BICD1: variants seen among roughly 807,000 people sequenced by gnomAD.
The protein encoded by BICD1 is BICD cargo adaptor 1, also known as protein bicaudal D homolog 1.
BICD1 carries 35 observed loss-of-function variants against 92.5 expected under a neutral mutation model. The observed-to-expected ratio is 0.38, with a 90% CI of 0.29 to 0.50. BICD1 has a LOEUF of 0.50. Ranked by LOEUF, BICD1 falls within the 20% of genes least tolerant of loss-of-function variation. The pLI is 0.93. For missense variants in BICD1, 950 were observed against 1,189.8 expected, an observed-to-expected ratio of 0.80 and a Z score of 2.97; for synonymous variants, 429 against 465.1, an observed-to-expected ratio of 0.92 and a Z score of 1.00.
At chr12:32,239,520 C>T (rs1301604083) in intron 2 of BICD1, among the ~76,000 whole-genome samples, 4 of 148,378 alleles carry the variant, frequency 2.7e-5, no homozygotes, top group Admixed American at 6.7e-5. Context: ...GAGCCGAGAG[C>T]GCACCATTGC....
At chr12:32,332,684 G>A (rs944755969) in intron 5 of BICD1, 4 of 319,564 alleles carry the variant, frequency 1.3e-5, no homozygotes, top group Non-Finnish European at 1.8e-5. Context: ...CTAGAGGAGC[G>A]GAAAAGACTT....
intron 8 of BICD1, among the ~76,000 whole-genome samples, chr12:32,344,461 A>C (rs907010935): frequency 2.0e-5 from 3 of 152,220 alleles, no homozygotes; most frequent in Non-Finnish European, 4.4e-5. Context: ...TCATTTGATA[A>C]AATCACCCTG....
chr12:32,158,466 A>G (rs1943509037), intron 1 of BICD1, among the ~76,000 whole-genome samples: 1 of 152,192 alleles, frequency 6.6e-6, no homozygotes, highest in Admixed American at 6.5e-5. Context: ...TGTATAAAAA[A>G]GAAAAATTTA....
intron 8 of BICD1, among the ~76,000 whole-genome samples, chr12:32,349,942 T>C (rs1009468010): frequency 2.0e-5 from 3 of 152,206 alleles, no homozygotes; most frequent in African/African-American, 7.2e-5. Context: ...ACATGGAATA[T>C]GGAAGCCACT....
chr12:32,350,712 T>A (rs1938829830), intron 8 of BICD1, among the ~76,000 whole-genome samples: 1 of 152,208 alleles, frequency 6.6e-6, no homozygotes, highest in Non-Finnish European at 1.5e-5. Flanking sequence ...ATTGATTTTA[T>A]TCAATTTTCC....
At chr12:32,208,335 C>A (rs1001918807) in intron 1 of BICD1, among the ~76,000 whole-genome samples, 2 of 152,178 alleles carry the variant, frequency 1.3e-5, no homozygotes, top group Non-Finnish European at 2.9e-5. Context: ...AAGGTCTGTT[C>A]CAAGTGATAC....
chr12:32,376,116 G>T (rs577205430), intron 9 of BICD1, among the ~76,000 whole-genome samples: 191 of 137,388 alleles, frequency 1.4e-3, no homozygotes, highest in Non-Finnish European at 2.4e-3. Flanking sequence ...ACGGAGTCTC[G>T]CCCTGTTGCC....
At chr12:32,140,990 T>C (rs924191151) in intron 1 of BICD1, among the ~76,000 whole-genome samples, 1 of 152,198 alleles carries the variant, frequency 6.6e-6, no homozygotes, top group African/African-American at 2.4e-5. Context: ...GGAAAACACA[T>C]TGGAGGACTT....
chr12:32,330,686 G>A (rs7974226), intron 5 of BICD1, among the ~76,000 whole-genome samples: 87,724 of 151,754 alleles, frequency 0.58, 26,634 homozygotes, highest in East Asian at 0.79. Flanking sequence ...ATTTATTATT[G>A]TAACTCTGCT....
intron 1 of BICD1, among the ~76,000 whole-genome samples, chr12:32,207,327 G>A (rs1945088883): frequency 6.6e-6 from 1 of 152,010 alleles, no homozygotes; most frequent in Admixed American, 6.6e-5. Context: ...AAAAATCCAG[G>A]CTTTAAGTAA....
intron 1 of BICD1, among the ~76,000 whole-genome samples, chr12:32,207,215 T>C (rs1437781098): frequency 7.5e-6 from 1 of 132,932 alleles, no homozygotes; most frequent in Non-Finnish European, 1.6e-5. Flanking sequence ...TTTTTGTGCA[T>C]ATTCAATATG....
At position 32,335,154 on chromosome 12, in the gene BICD1, A is replaced by ATT. The variant is rs11326277; in HGVS notation, c.2252+500_2252+501dup. On this transcript the variant is annotated intron_variant, in intron 6 of 9. Transcript: ENST00000652176. ...TCATCACATCAGCTAATTACTTATA[A>ATT]TTTTTTTTTTTTTTGAGACGGAGTC... Among the ~76,000 whole-genome samples the ATT allele has an allele frequency of 5.4e-3, 792 of 147,566 alleles. 6 individuals are homozygous for ATT. Among genetic ancestry groups the ATT allele is most frequent in the African/African-American group, 0.018 (735 of 40,340 alleles).
intron 1 of BICD1, among the ~76,000 whole-genome samples, chr12:32,145,045 G>T (rs1006421087): frequency 1.3e-5 from 2 of 152,188 alleles, no homozygotes; most frequent in Non-Finnish European, 2.9e-5. Context: ...TGAGTGTCTT[G>T]AAAGCAACAT....
intron 2 of BICD1, among the ~76,000 whole-genome samples, chr12:32,274,994 T>C (rs1311532788): frequency 7.6e-6 from 1 of 131,840 alleles, no homozygotes; most frequent in Non-Finnish European, 1.6e-5. Flanking sequence ...TGGCACATTG[T>C]AAACATTGTG....
At chr12:32,147,398 G>A (rs1234904296) in intron 1 of BICD1, among the ~76,000 whole-genome samples, 1 of 152,042 alleles carries the variant, frequency 6.6e-6, no homozygotes, top group Non-Finnish European at 1.5e-5. Context: ...GGTGGCGGTG[G>A]TGGATTTTTT....
chr12:32,363,644 A>G (rs920638020), intron 8 of BICD1, among the ~76,000 whole-genome samples: 1 of 152,144 alleles, frequency 6.6e-6, no homozygotes, highest in African/African-American at 2.4e-5. Flanking sequence ...AACCACTTAG[A>G]TTTAGTTGTG....
At chr12:32,280,243 T>C (rs530498879) in intron 2 of BICD1, among the ~76,000 whole-genome samples, 1 of 152,306 alleles carries the variant, frequency 6.6e-6, no homozygotes, top group African/African-American at 2.4e-5. Flanking sequence ...ACTTATATAA[T>C]ACAGATTAAT....
chr12:32,360,793 G>A (rs1939296459), intron 8 of BICD1, among the ~76,000 whole-genome samples: 1 of 152,040 alleles, frequency 6.6e-6, no homozygotes, highest in South Asian at 2.1e-4. Flanking sequence ...ATTATTAATT[G>A]CTAATCTTAC....
At chr12:32,184,082 C>T (rs796861429) in intron 1 of BICD1, among the ~76,000 whole-genome samples, 3 of 152,050 alleles carry the variant, frequency 2.0e-5, no homozygotes, top group South Asian at 2.1e-4. Context: ...CATTAGAGTC[C>T]GGCGTGGCAG....
Sources: gnomAD v4.1 joint callset for allele counts (sites outside exome capture counted in the v4.1 genomes callset) on GRCh38, gnomAD v4.1.1 for gene constraint, MANE v1.5 for transcripts, NCBI Gene and HGNC (gene_info 2026-07-23, HGNC 2026-07-21) for gene names.